Variants in TPPP2 observed in about 807,000 individuals in gnomAD.
The protein encoded by TPPP2 is tubulin polymerization-promoting protein family member 2.
Under a neutral mutation model 13.0 loss-of-function variants are expected in TPPP2, and 8 were observed. The observed-to-expected ratio is 0.62, with a 90% CI of 0.36 to 1.11. The LOEUF (loss-of-function observed/expected upper bound fraction) is 1.11. Ranked by LOEUF, TPPP2 falls within the 50% of genes most tolerant of loss-of-function variation. The pLI, the probability that TPPP2 is intolerant of heterozygous loss-of-function variation, is 0.02. For missense variants in TPPP2, 213 were observed against 216.9 expected (o/e 0.98, Z 0.11); for synonymous variants, 81 against 81.8 (o/e 0.99, Z 0.05).
chr14:21,025,193 C>G lies in TPPP2; in HGVS notation n.236+849C>G. The G allele has an allele frequency of 5.7e-6, 5 of 880,166 alleles. No homozygotes were observed. The highest frequency in any genetic ancestry group is 6.8e-6 in the Non-Finnish European group (5 of 733,834). 54.5% of individuals were successfully genotyped at this position (880,166 alleles called of 1,614,324 possible). ...CCAGTAAACACGCCCCCCCTTTCAC[C>G]CCGCCCAGACTGCCGCTCAGGAAAG... On this transcript the variant is annotated intron_variant and non_coding_transcript_variant, in intron 1 of 1. Coordinates refer to the TPPP2 transcript ENST00000533755. This position sits in a 1 kb window ranked among gnomAD's most constrained non-coding sequence, Gnocchi z 5.1.
At chr14:21,030,363 A>G (rs941921936) in intron 1 of TPPP2, 59 bp downstream of exon 1, 10 of 559,600 alleles carry the variant, frequency 1.8e-5, no homozygotes, top group African/African-American at 1.7e-4. Context: ...CCACACTGGT[A>G]TCTCCAATGC....
chr14:21,029,194 A>T (rs911590083), upstream of TPPP2: 1 of 152,234 alleles, frequency 6.6e-6, no homozygotes, highest in Non-Finnish European at 1.5e-5. Flanking sequence ...GGGATTCTCC[A>T]TGCTACACTT....
chr14:21,034,257 AG>A, downstream of TPPP2: 1 of 1,613,520 alleles, frequency 6.2e-7, no homozygotes, highest in Non-Finnish European at 8.5e-7. Context: ...AACAAGCTGG[AG>A]GAAAAGGAGC....
rs912424113 is a variant in TPPP2, at chr14:21,025,179, GC to G, written n.236+842del. The G allele has an allele frequency of 1.3e-5, 12 of 896,818 alleles. No homozygotes were observed. The South Asian group carries it at 2.0e-4, about 15-fold the overall frequency. The allele number at this position is 896,818 out of a possible 1,614,324, so 55.6% of individuals were successfully genotyped here. ...CCCGCCCCAGACCCCCAGTAAACAC[GC>G]CCCCCCTTTCACCCCGCCCAGACTG... On this transcript the variant is annotated intron_variant and non_coding_transcript_variant, in intron 1 of 1. Transcript: ENST00000533755. This position sits in a 1 kb window ranked among gnomAD's most constrained non-coding sequence, Gnocchi z 5.1.
downstream of TPPP2, chr14:21,033,754 A>G (rs533305200): frequency 9.1e-7 from 1 of 1,095,300 alleles, no homozygotes; most frequent in South Asian, 1.2e-5. Flanking sequence ...TGTTACAGGG[A>G]TCAGAGTGTT....
downstream of TPPP2, chr14:21,032,926 A>C: frequency 2.2e-6 from 1 of 455,886 alleles, no homozygotes; most frequent in South Asian, 1.5e-5. Context: ...CCCAATGGTT[A>C]CATCTTACAT....
downstream of TPPP2, chr14:21,033,717 C>T: frequency 1.2e-6 from 1 of 869,106 alleles, no homozygotes; most frequent in East Asian, 2.4e-5. Flanking sequence ...GGGACCCTGC[C>T]TGCCTCGTAA....
chr14:21,026,897 A>G (rs1392278187), upstream of TPPP2, among the ~76,000 whole-genome samples: 1 of 152,304 alleles, frequency 6.6e-6, no homozygotes, highest in African/African-American at 2.4e-5. Context: ...TGCGCAAGAC[A>G]GGAGAGATCT....
upstream of TPPP2, among the ~76,000 whole-genome samples, chr14:21,027,224 G>C (rs1883746325): frequency 6.6e-6 from 1 of 152,184 alleles, no homozygotes; most frequent in African/African-American, 2.4e-5. Flanking sequence ...TCCATGTCAG[G>C]GCAGCTCCCA....
Position 21,025,033 on chromosome 14 carries a change from T to TGCC in TPPP2, n.236+695_236+697dup. The TGCC allele has an allele frequency of 1.0e-6, 1 of 985,840 alleles. No individual in the cohort carries two copies. Among genetic ancestry groups the TGCC allele is most frequent in the African/African-American group, 1.7e-5 (1 of 57,258 alleles). 61.1% of individuals were successfully genotyped at this position (985,840 alleles called of 1,614,324 possible). Reference sequence around the variant, plus strand: ...CTCGCCTGCCCCTCCCCCTACCTGCTGCCGCCGCGGCCGCTTCCACCTTCA... The same window carrying TGCC: ...CTCGCCTGCCCCTCCCCCTACCTGCTGCCGCCGCCGCGGCCGCTTCCACCTTCA... On this transcript the variant is annotated intron_variant and non_coding_transcript_variant, in intron 1 of 1. Coordinates refer to the TPPP2 transcript ENST00000533755. The surrounding 1 kb of genome is among the most constrained non-coding windows in gnomAD (Gnocchi z 5.1).
chr14:21,024,557 A>G (rs1204211386), intron 1 of TPPP2: 1 of 985,348 alleles, frequency 1.0e-6, no homozygotes, highest in African/African-American at 1.7e-5. Context: ...CAATTTAAAA[A>G]CAAACACAAA....
downstream of TPPP2, chr14:21,034,167 C>G: frequency 1.2e-6 from 2 of 1,614,096 alleles, no homozygotes; most frequent in Non-Finnish European, 1.7e-6. Context: ...GTAGTTAACC[C>G]TGGGATAGTC....
downstream of TPPP2, chr14:21,032,949 T>C (rs1324015524): frequency 2.2e-6 from 1 of 456,052 alleles, no homozygotes; most frequent in Non-Finnish European, 4.4e-6. Flanking sequence ...TCAGATGTGG[T>C]TTTAGAAATT....
In TPPP2 at chr14:21,031,005, T is replaced by G. The variant is rs1427431972; in HGVS notation, c.174-7T>G. The G allele has an allele frequency of 6.3e-7, 1 of 1,598,216 alleles. No homozygotes were observed. Among genetic ancestry groups the G allele is most frequent in the Admixed American group, 1.8e-5 (1 of 56,702 alleles). On this transcript the variant is annotated splice_region_variant and splice_polypyrimidine_tract_variant and intron_variant, in intron 2 of 3. Coordinates refer to ENST00000321760, the MANE Select transcript of TPPP2 (RefSeq NM_173846.5). ...CAAAGTTTCTGGATTTCTGTCTAAC[T>G]GACCAGGGCCAAGAACGCCCGAACC...
upstream of TPPP2, among the ~76,000 whole-genome samples, chr14:21,026,566 T>C (rs1469155318): frequency 3.3e-5 from 5 of 149,444 alleles, no homozygotes; most frequent in African/African-American, 4.9e-5. Flanking sequence ...CAATGCCCCT[T>C]TCATCCCCAC....
intron 1 of TPPP2, chr14:21,024,500 A>C (rs949797336): frequency 2.0e-6 from 2 of 984,498 alleles, no homozygotes; most frequent in African/African-American, 3.5e-5. Flanking sequence ...AATTTTTGAC[A>C]GCTCTCCAGT....
chr14:21,036,085 G>T, downstream of TPPP2: 2 of 411,234 alleles, frequency 4.9e-6, no homozygotes, highest in East Asian at 7.1e-5. Flanking sequence ...ACCAGTGCCC[G>T]GCACATGGTG....
chr14:21,032,676 C>T lies in TPPP2; in HGVS notation c.*599C>T, dbSNP rs1884306541. 1 of 345,150 alleles carries T rather than the reference C, an allele frequency of 2.9e-6. No individual in the cohort carries two copies. The highest frequency in any genetic ancestry group is 5.6e-6 in the Non-Finnish European group (1 of 178,236). 21.4% of individuals were successfully genotyped at this position (345,150 alleles called of 1,614,324 possible). A position where few individuals can be genotyped will look rare whatever the true frequency, so the allele number is the denominator to read the frequency against. ...AAGTTTTACCCCACATCACCTCCATCATGGGGCACATGGGACAGAAGAGCT... is the reference window on the plus strand; with the variant it reads ...AAGTTTTACCCCACATCACCTCCATTATGGGGCACATGGGACAGAAGAGCT... On this transcript the variant is annotated 3_prime_UTR_variant, in exon 4 of 4. Coordinates refer to ENST00000321760, the MANE Select transcript of TPPP2 (RefSeq NM_173846.5).
chr14:21,034,283 T>C, downstream of TPPP2: 1 of 1,608,326 alleles, frequency 6.2e-7, no homozygotes, highest in Non-Finnish European at 8.5e-7. Flanking sequence ...TCACAGCTGG[T>C]GCCATTCCTC....
Sources: allele counts gnomAD v4.1 joint callset (sites outside exome capture counted in the v4.1 genomes callset), GRCh38; gene constraint gnomAD v4.1.1; non-coding constraint Gnocchi (gnomAD v3.1); transcripts MANE v1.5; gene names NCBI Gene and HGNC (gene_info 2026-07-23, HGNC 2026-07-21).